TBC1D22A: variants seen among roughly 807,000 people sequenced by gnomAD.
TBC1D22A encodes TBC1 domain family member 22A, also known as putative GTPase activator.
Under a neutral mutation model 60.2 loss-of-function variants are expected in TBC1D22A, and 38 were observed. That is an observed-to-expected ratio of 0.63 (90% confidence interval 0.49 to 0.83). The LOEUF is 0.83. Ranked by LOEUF, TBC1D22A falls within the 40% of genes least tolerant of loss-of-function variation. The pLI is 0.00. For missense variants in TBC1D22A, 628 were observed against 701.0 expected (o/e 0.90, Z 1.18); for synonymous variants, 302 against 281.7 (o/e 1.07, Z -0.72).
At chr22:47,101,971 T>A (rs1569447181) in intron 11 of TBC1D22A, among the ~76,000 whole-genome samples, 1 of 152,196 alleles carries the variant, frequency 6.6e-6, no homozygotes, top group East Asian at 1.9e-4. Flanking sequence ...TGGTATTTCC[T>A]CATCTAGTCT....
At chr22:46,834,817 C>T (rs2086449408) in intron 4 of TBC1D22A, among the ~76,000 whole-genome samples, 1 of 152,206 alleles carries the variant, frequency 6.6e-6, no homozygotes, top group African/African-American at 2.4e-5. Flanking sequence ...GTATGCCTCC[C>T]TTCCTTGGCA....
At chr22:47,054,630 C>A (rs1024290491) in intron 11 of TBC1D22A, among the ~76,000 whole-genome samples, 1 of 152,180 alleles carries the variant, frequency 6.6e-6, no homozygotes, top group Admixed American at 6.5e-5. Flanking sequence ...CCTTCGAATC[C>A]TGGGCACTCA....
chr22:47,023,822 T>A (rs193228678), intron 10 of TBC1D22A, among the ~76,000 whole-genome samples: 2 of 152,352 alleles, frequency 1.3e-5, no homozygotes, highest in African/African-American at 2.4e-5. Context: ...GAGACCGGGA[T>A]ACCTGCATGA....
intron 8 of TBC1D22A, among the ~76,000 whole-genome samples, chr22:46,924,952 G>A (rs563276680): frequency 6.6e-6 from 1 of 152,270 alleles, no homozygotes; most frequent in South Asian, 2.1e-4. Flanking sequence ...GAGGATGAAC[G>A]CAGAGAACAT....
At chr22:46,876,322 CTT>C (rs994410993) in intron 4 of TBC1D22A, among the ~76,000 whole-genome samples, 1 of 152,214 alleles carries the variant, frequency 6.6e-6, no homozygotes, top group African/African-American at 2.4e-5. Flanking sequence ...GACAGACATT[CTT>C]TTCTATGGCA....
intron 4 of TBC1D22A, among the ~76,000 whole-genome samples, chr22:46,841,383 A>G (rs2147220364): frequency 6.6e-6 from 1 of 152,372 alleles, no homozygotes; most frequent in South Asian, 2.1e-4. Context: ...CTAACCTGCC[A>G]GCACCTTGAT....
chr22:47,104,851 C>T (rs907383182), intron 11 of TBC1D22A, among the ~76,000 whole-genome samples: 1 of 152,176 alleles, frequency 6.6e-6, no homozygotes, highest in African/African-American at 2.4e-5. Flanking sequence ...ACAAACTCAA[C>T]CAGTTGTCAA....
chr22:47,118,733 A>G (rs1425556519), intron 12 of TBC1D22A, among the ~76,000 whole-genome samples: 1 of 152,178 alleles, frequency 6.6e-6, no homozygotes, highest in Non-Finnish European at 1.5e-5. Context: ...TCCAGCAAGG[A>G]GGACCGAGAT....
chr22:46,894,724 T>C, intron 6 of TBC1D22A, 60 bp from the exon 7 acceptor site: 1 of 1,591,340 alleles, frequency 6.3e-7, no homozygotes, highest in Non-Finnish European at 8.6e-7. Flanking sequence ...TTTAATCATA[T>C]CGCTCGTAAT....
intron 11 of TBC1D22A, among the ~76,000 whole-genome samples, chr22:47,064,928 G>A (rs1220307187): frequency 6.6e-6 from 1 of 152,172 alleles, no homozygotes; most frequent in Non-Finnish European, 1.5e-5. Flanking sequence ...TTATAAAGAG[G>A]CAGTTTCTAA....
At chr22:47,073,623 C>T (rs923571692) in intron 11 of TBC1D22A, among the ~76,000 whole-genome samples, 1 of 152,138 alleles carries the variant, frequency 6.6e-6, no homozygotes, top group East Asian at 1.9e-4. Flanking sequence ...AGGACTTCCC[C>T]ACTCCGACAG....
intron 8 of TBC1D22A, among the ~76,000 whole-genome samples, chr22:46,936,337 G>A (rs1018950078): frequency 4.6e-5 from 7 of 151,752 alleles, no homozygotes; most frequent in Non-Finnish European, 8.8e-5. Flanking sequence ...GCACGCCCTC[G>A]TCCTGGGGCC....
intron 4 of TBC1D22A, among the ~76,000 whole-genome samples, chr22:46,808,373 A>T (rs1359565225): frequency 6.7e-6 from 1 of 149,732 alleles, no homozygotes; most frequent in African/African-American, 2.5e-5. Flanking sequence ...ATAAAAAAAA[A>T]TAAAAAAATA....
chr22:47,003,475 GCACCCTACGCACACATGCCTGTACACACA>G (rs2061464551), intron 10 of TBC1D22A, among the ~76,000 whole-genome samples: 2 of 44,200 alleles, frequency 4.5e-5, no homozygotes, highest in Non-Finnish European at 9.0e-5. Flanking sequence ...CTGTACACAC[GCACCCTACGCACACATGCCTGTACACACA>G]CACCCGCCAG....
chr22:46,785,844 G>A (rs2084137013), intron 1 of TBC1D22A, among the ~76,000 whole-genome samples: 1 of 152,170 alleles, frequency 6.6e-6, no homozygotes, highest in South Asian at 2.1e-4. Flanking sequence ...TTGCCAACAT[G>A]GCTCACTGCA....
chr22:46,946,278 G>C (rs2072534095), intron 8 of TBC1D22A, among the ~76,000 whole-genome samples: 1 of 152,240 alleles, frequency 6.6e-6, no homozygotes, highest in Admixed American at 6.5e-5. Context: ...ATCCTTGGCT[G>C]CACAGAGGAT....
chr22:47,112,260 G>C (rs1268254800), intron 12 of TBC1D22A, among the ~76,000 whole-genome samples: 1 of 152,220 alleles, frequency 6.6e-6, no homozygotes, highest in Non-Finnish European at 1.5e-5. Flanking sequence ...GATACCCACT[G>C]TTCCCCAAGG....
At chr22:47,153,026 C>T (rs2067568860) in intron 12 of TBC1D22A, among the ~76,000 whole-genome samples, 1 of 152,206 alleles carries the variant, frequency 6.6e-6, no homozygotes, top group South Asian at 2.1e-4. Context: ...CAGTTCCAGG[C>T]TGGAACAGCA....
chr22:46,821,229 A>AT (rs2085815948), intron 4 of TBC1D22A, among the ~76,000 whole-genome samples: 1 of 152,024 alleles, frequency 6.6e-6, no homozygotes, highest in Non-Finnish European at 1.5e-5. Flanking sequence ...CATTTAGCCC[A>AT]TTTACATATA....
Sources: gnomAD v4.1 joint callset for allele counts (sites outside exome capture counted in the v4.1 genomes callset) on GRCh38, gnomAD v4.1.1 for gene constraint, MANE v1.5 for transcripts, NCBI Gene and HGNC (gene_info 2026-07-23, HGNC 2026-07-21) for gene names.